Variants in UNC45A observed in about 807,000 individuals in gnomAD.
UNC45A encodes the protein unc-45 myosin chaperone A, also known as protein unc-45 homolog A.
A neutral mutation model predicts 103.2 loss-of-function variants in UNC45A; 78 were observed. The ratio of observed to expected loss-of-function variants is 0.76; its 90% confidence interval spans 0.63 to 0.91. The LOEUF (loss-of-function observed/expected upper bound fraction) is 0.91. Among genes scored for constraint, UNC45A ranks in the 40% least tolerant of loss-of-function variants. The pLI is 0.00. For synonymous variants in UNC45A, 495 were observed against 504.6 expected, an observed-to-expected ratio of 0.98 and a Z score of 0.25; for missense variants, 1,193 against 1,224.8, an observed-to-expected ratio of 0.97 and a Z score of 0.39.
chr15:90,935,877 C>G, intron 2 of UNC45A, 69 bp from the exon 3 acceptor site: 4 of 1,608,512 alleles, frequency 2.5e-6, no homozygotes, highest in Non-Finnish European at 3.4e-6. Flanking sequence ...GCGAGAGTAC[C>G]CCTGCTGCCT....
chr15:90,949,225 T>C, intron 13 of UNC45A, 91 bp from the exon 14 acceptor site: 1 of 1,511,200 alleles, frequency 6.6e-7, no homozygotes, highest in East Asian at 2.3e-5. Flanking sequence ...GGCTGTTTTA[T>C]TTCCCAGTTC....
chr15:90,948,114 G>T lies in UNC45A; in HGVS notation c.1596-28G>T, dbSNP rs1341830870. On this transcript the variant is annotated intron_variant, in intron 11 of 19. Transcript: ENST00000418476. Reference sequence around the variant, plus strand: ...ACCCCTCCGTACCCCCAATCCTGAGGGTCGTCCACTATCCTGCGTGTCCCC... The same window carrying T: ...ACCCCTCCGTACCCCCAATCCTGAGTGTCGTCCACTATCCTGCGTGTCCCC... The T allele has an allele frequency of 8.7e-6, 14 of 1,612,736 alleles. No individual in the cohort carries two copies. In the East Asian group the frequency reaches 3.1e-4, roughly 36 times the overall value.
chr15:90,954,003 G>C lies in UNC45A; in HGVS notation c.*287G>C, dbSNP rs2037081523. 2.1e-6 allele frequency: 1 copy of C among 469,432 alleles called. No individual in the cohort carries two copies. Among genetic ancestry groups the C allele is most frequent in the South Asian group, 2.3e-5 (1 of 43,400 alleles). The allele number at this position is 469,432 out of a possible 1,614,324, so 29.1% of individuals were successfully genotyped here. ...ATCCCAACACAGCCTGTGGATCCTGGGGCATCTGGAAGGGCGCACACATCA... is the reference window on the plus strand; with the variant it reads ...ATCCCAACACAGCCTGTGGATCCTGCGGCATCTGGAAGGGCGCACACATCA... On this transcript the variant is annotated 3_prime_UTR_variant, in exon 20 of 20. Transcript: ENST00000418476.
chr15:90,931,057 G>A, upstream of UNC45A: 1 of 554,898 alleles, frequency 1.8e-6, no homozygotes, highest in South Asian at 2.1e-5. Flanking sequence ...GAGGCGGTGA[G>A]TGCATCAGAA....
chr15:90,940,176 AT>A (rs1567151009), intron 5 of UNC45A, 129 bp from the exon 6 acceptor site: 2 of 992,022 alleles, frequency 2.0e-6, no homozygotes, highest in Non-Finnish European at 1.5e-6. Flanking sequence ...CAAAGAGGTT[AT>A]TTTTTGGCCG....
chr15:90,940,403 TG>T lies in UNC45A; in HGVS notation c.620del (p.Gly207GlufsTer28). ...GVQLLQRLLD[M>X]GETDLMLAAL... The stretch of plus-strand genomic sequence containing the variant: ...CAGCTCTTGCAACGTTTACTGGACA[TG>T]GGAGAGACTGACCTCATGCTGGCGG... On this transcript the variant is annotated frameshift_variant, in exon 6 of 20. Coordinates refer to ENST00000418476, the MANE Select transcript of UNC45A (RefSeq NM_018671.5). LOFTEE classifies it high-confidence loss of function. The T allele has an allele frequency of 6.2e-7, 1 of 1,614,154 alleles. No homozygotes were observed. The highest frequency in any genetic ancestry group is 8.5e-7 in the Non-Finnish European group (1 of 1,180,012).
At chr15:90,945,853 G>A (rs1390142974) in intron 9 of UNC45A, among the ~76,000 whole-genome samples, 8 of 150,322 alleles carry the variant, frequency 5.3e-5, no homozygotes, top group Non-Finnish European at 8.9e-5. Flanking sequence ...GGCTGGTCTC[G>A]AACTCCTGAC....
intron 9 of UNC45A, among the ~76,000 whole-genome samples, chr15:90,946,208 C>G (rs1168818405): frequency 1.4e-5 from 2 of 143,838 alleles, no homozygotes; most frequent in African/African-American, 5.2e-5. Context: ...GAGCCGAGAT[C>G]ACGCCATTGC....
At chr15:90,948,335 C>T (rs1470793758) in intron 12 of UNC45A, 52 bp downstream of exon 12, 2 of 1,601,808 alleles carry the variant, frequency 1.2e-6, no homozygotes, top group South Asian at 1.1e-5. Flanking sequence ...AGGATTAGAC[C>T]TTACCAGGCT....
chr15:90,937,633 C>T (rs1259382783), intron 4 of UNC45A, among the ~76,000 whole-genome samples: 1 of 151,644 alleles, frequency 6.6e-6, no homozygotes, highest in Non-Finnish European at 1.5e-5. Flanking sequence ...ACTACAGGGG[C>T]CTGCCACCAC....
rs1449566277 is a variant in UNC45A at position 90,950,248 on chromosome 15, T to C, written c.2168T>C (p.Met723Thr). Residue 723 changes from methionine (M) to threonine (T), a missense_variant, in exon 16 of 20, where the codon ATG becomes ACG. By Grantham distance (81) the Met-to-Thr change is moderately conservative. Coordinates refer to ENST00000418476, the MANE Select transcript of UNC45A (RefSeq NM_018671.5). ...CTCACCATCACCTCCAACCCGGAGA[T>C]GACCTTCCCTGGCGAGCGGGTACGT... ...AKLTITSNPE[M>T]TFPGERIYEV... is the part of the protein sequence containing the mutation. 6.4e-7 allele frequency: 1 copy of C among 1,551,740 alleles called. No homozygotes were observed. The highest frequency in any genetic ancestry group is 8.7e-7 in the Non-Finnish European group (1 of 1,146,982).
chr15:90,943,986 GTTT>G (rs953436599), intron 8 of UNC45A, among the ~76,000 whole-genome samples: 6 of 78,320 alleles, frequency 7.7e-5, no homozygotes, highest in South Asian at 5.8e-4. Context: ...ATTGTGCCCT[GTTT>G]TTTTTTTTTT....
In UNC45A at chr15:90,952,999, C is replaced by T. The variant is rs139226550; in HGVS notation, c.2374C>T (p.Arg792Cys). Residue 792 changes from arginine (R) to cysteine (C), a missense_variant, in exon 18 of 20, where the codon CGC (arginine) becomes TGC (cysteine). Physicochemically the swap from Arg to Cys is radical, Grantham distance 180 (BLOSUM62 -3). Coordinates refer to ENST00000418476, the MANE Select transcript of UNC45A (RefSeq NM_018671.5). ...GYMFEEHEMIRRAATECMCNL... is the reference protein window; with the variant it reads ...GYMFEEHEMICRAATECMCNL... ...CATGTTTGAGGAGCATGAGATGATCCGCCGGGCAGCCACGGAGTGCATGTG... is the reference window on the plus strand; with the variant it reads ...CATGTTTGAGGAGCATGAGATGATCTGCCGGGCAGCCACGGAGTGCATGTG... 1.7e-5 allele frequency: 27 copies of T among 1,613,582 alleles called. No individual in the cohort carries two copies. The highest frequency in any genetic ancestry group is 8.0e-5 in the African/African-American group (6 of 75,038).
intron 17 of UNC45A, among the ~76,000 whole-genome samples, chr15:90,950,944 T>C (rs1381415701): frequency 1.3e-5 from 2 of 152,198 alleles, no homozygotes; most frequent in Non-Finnish European, 2.9e-5. Flanking sequence ...AATGAGAAAA[T>C]ACACCTAAAA....
chr15:90,947,076 C>A, intron 10 of UNC45A, 162 bp downstream of exon 10: 1 of 797,608 alleles, frequency 1.3e-6, no homozygotes, highest in Non-Finnish European at 1.9e-6. Context: ...ATAGGTCCAG[C>A]TACTTGGGAG....
At chr15:90,950,399 A>C (rs2036834261) in intron 16 of UNC45A, 101 bp from the exon 17 acceptor site, 1 of 1,466,208 alleles carries the variant, frequency 6.8e-7, no homozygotes, top group African/African-American at 1.4e-5. Context: ...GGACAGCCTG[A>C]GACAGCAGTA....
rs1301689688 is a variant in UNC45A at position 90,940,341 on chromosome 15, T to G, written c.555T>G (p.Asp185Glu). 6.2e-7 allele frequency: 1 copy of G among 1,613,996 alleles called. No homozygotes were observed. The highest frequency in any genetic ancestry group is 8.5e-7 in the Non-Finnish European group (1 of 1,179,994). ...ACCTGGTGGTGCTGGCCAGGGAGGATGCTGGAGCGGAGAAGATCTTCCGGA... is the reference window on the plus strand; with the variant it reads ...ACCTGGTGGTGCTGGCCAGGGAGGAGGCTGGAGCGGAGAAGATCTTCCGGA... ...SQNLVVLAREDAGAEKIFRSN... is the reference protein window; with the variant it reads ...SQNLVVLAREEAGAEKIFRSN... The change falls in exon 6 of 20, where the codon GAT becomes GAG. Residue 185 changes from aspartate to glutamate, a missense_variant. Asp to Glu is a conservative substitution (Grantham distance 45). Transcript: ENST00000418476.
chr15:90,934,787 C>G (rs1279141985), upstream of UNC45A: 2 of 402,490 alleles, frequency 5.0e-6, no homozygotes. Context: ...GGATGAGCTC[C>G]TAAATTCGTA....
At chr15:90,936,627 C>T (rs1283370555) in intron 4 of UNC45A, among the ~76,000 whole-genome samples, 167 bp downstream of exon 4, 1 of 152,168 alleles carries the variant, frequency 6.6e-6, no homozygotes, top group East Asian at 1.9e-4. Context: ...ATTTGGAGGT[C>T]TGTCTGGCAG....
Sources: gnomAD v4.1 joint callset for allele counts (sites outside exome capture counted in the v4.1 genomes callset) on GRCh38, gnomAD v4.1.1 for gene constraint, MANE v1.5 for transcripts, NCBI Gene and HGNC (gene_info 2026-07-23, HGNC 2026-07-21) for gene names.